MUSK: variants seen among roughly 807,000 people sequenced by gnomAD.
The protein encoded by MUSK is muscle associated receptor tyrosine kinase, also known as muscle, skeletal receptor tyrosine-protein kinase.
MUSK carries 55 observed loss-of-function variants against 88.7 expected under a neutral mutation model. That is an observed-to-expected ratio of 0.62 (90% CI 0.50 to 0.78). MUSK has a LOEUF of 0.78. Among genes scored for constraint, MUSK ranks in the 30% least tolerant of loss-of-function variants. The pLI, the probability that MUSK is intolerant of heterozygous loss-of-function variation, is 0.00. For synonymous variants in MUSK, 387 were observed against 391.9 expected, an observed-to-expected ratio of 0.99 and a Z score of 0.15; for missense variants, 1,015 against 1,074.3, an observed-to-expected ratio of 0.94 and a Z score of 0.77.
At chr9:110,785,901 C>T (rs1049589023) in intron 13 of MUSK, among the ~76,000 whole-genome samples, 183 bp downstream of exon 13, 36 of 147,428 alleles carry the variant, frequency 2.4e-4, no homozygotes, top group African/African-American at 7.2e-4. Flanking sequence ...TATATATATA[C>T]ACACACACAT....
chr9:110,768,147 T>A (rs903973656), intron 9 of MUSK, 64 bp downstream of exon 9: 11 of 1,477,914 alleles, frequency 7.4e-6, no homozygotes, highest in Non-Finnish European at 8.2e-6. Flanking sequence ...CAGAAGGAGT[T>A]TTTGAAAAAT....
intron 6 of MUSK, among the ~76,000 whole-genome samples, chr9:110,735,111 G>A (rs1329327294): frequency 2.0e-5 from 3 of 152,066 alleles, no homozygotes. Flanking sequence ...CTGTTCATGG[G>A]AATGGGAATT....
chr9:110,688,733 C>G (rs4327925), intron 3 of MUSK, among the ~76,000 whole-genome samples: 32,552 of 151,512 alleles, frequency 0.21, 4,205 homozygotes, highest in African/African-American at 0.34. Context: ...TCTGTTCCTG[C>G]ATTAGTTTAC....
At chr9:110,729,326 TAAAAAAAAAAAA>T (rs34882321) in intron 5 of MUSK, among the ~76,000 whole-genome samples, 5 of 97,420 alleles carry the variant, frequency 5.1e-5, no homozygotes, top group African/African-American at 1.4e-4. Context: ...CTGTTTTCTG[TAAAAAAAAAAAA>T]AAAAAAGAAA....
At chr9:110,679,558 G>T (rs2076080674) in intron 1 of MUSK, among the ~76,000 whole-genome samples, 1 of 151,816 alleles carries the variant, frequency 6.6e-6, no homozygotes, top group South Asian at 2.1e-4. Context: ...GGTATATTTG[G>T]ACTTGTTTCT....
Position 110,800,762 on chromosome 9 carries a change from T to G in MUSK, c.2384T>G (p.Ile795Ser), listed in dbSNP as rs1564301135. ...VWAYGVVLWEIFSYGLQPYYG... is the reference protein window; with the variant it reads ...VWAYGVVLWESFSYGLQPYYG... ...GCCTATGGCGTGGTCCTCTGGGAGATCTTCTCCTATGGCCTGCAGCCCTAC... is the reference window on the plus strand; with the variant it reads ...GCCTATGGCGTGGTCCTCTGGGAGAGCTTCTCCTATGGCCTGCAGCCCTAC... Residue 795 changes from isoleucine (I) to serine (S), a missense_variant, in exon 15 of 15, where the codon ATC (isoleucine) becomes AGC (serine). Ile to Ser is a moderately radical substitution (Grantham distance 142). Transcript: ENST00000374448. The G allele has an allele frequency of 4.3e-6, 7 of 1,613,954 alleles. No individual in the cohort carries two copies. Among genetic ancestry groups the G allele is most frequent in the Non-Finnish European group, 5.9e-6 (7 of 1,179,894 alleles).
At chr9:110,726,357 T>C (rs1446493189) in intron 5 of MUSK, among the ~76,000 whole-genome samples, 1 of 151,942 alleles carries the variant, frequency 6.6e-6, no homozygotes, top group Non-Finnish European at 1.5e-5. Flanking sequence ...AAATGAACAA[T>C]AGTAGCAACA....
chr9:110,735,270 C>A (rs565026191), intron 6 of MUSK, among the ~76,000 whole-genome samples: 1 of 151,944 alleles, frequency 6.6e-6, no homozygotes, highest in Non-Finnish European at 1.5e-5. Context: ...ATGTTTATTG[C>A]GGCACTATTC....
chr9:110,690,285 T>TATATATTTAAGTACAAATATAGAA (rs2076321610), intron 3 of MUSK, among the ~76,000 whole-genome samples: 1 of 98,810 alleles, frequency 1.0e-5, no homozygotes, highest in African/African-American at 4.2e-5. Context: ...AATATATAAA[T>TATATATTTAAGTACAAATATAGAA]ATATATAAAT....
intron 11 of MUSK, among the ~76,000 whole-genome samples, chr9:110,778,847 C>T (rs2131998830): frequency 6.6e-6 from 1 of 152,188 alleles, no homozygotes; most frequent in Non-Finnish European, 1.5e-5. Flanking sequence ...ATAAATTCCA[C>T]TACCTTTTCA....
chr9:110,797,671 A>C (rs2078031987), intron 14 of MUSK, among the ~76,000 whole-genome samples: 2 of 152,290 alleles, frequency 1.3e-5, no homozygotes, highest in South Asian at 4.1e-4. Flanking sequence ...CATCTTGAAA[A>C]CACTTCTTCC....
chr9:110,734,986 G>C (rs566534983), intron 6 of MUSK, among the ~76,000 whole-genome samples: 1 of 152,122 alleles, frequency 6.6e-6, no homozygotes, highest in African/African-American at 2.4e-5. Flanking sequence ...CTTCTCATGG[G>C]GAAATACGGG....
Position 110,805,399 on chromosome 9 carries a change from T to A in MUSK, c.*4411T>A, listed in dbSNP as rs2078148682. Among the ~76,000 whole-genome samples, 1 of 151,966 alleles carries A rather than the reference T, an allele frequency of 6.6e-6. No individual in the cohort carries two copies. Among genetic ancestry groups the A allele is most frequent in the Non-Finnish European group, 1.5e-5 (1 of 67,830 alleles). On this transcript the variant is annotated 3_prime_UTR_variant, in exon 15 of 15. Transcript: ENST00000374448. The stretch of plus-strand genomic sequence containing the variant: ...TAATAGCTAATAGCTTAAAGTTATT[T>A]CATAGCTTATATTTACACTTCTTTA...
chr9:110,684,900 C>T (rs961425093), intron 2 of MUSK, among the ~76,000 whole-genome samples: 1 of 152,078 alleles, frequency 6.6e-6, no homozygotes, highest in African/African-American at 2.4e-5. Context: ...AATATAAGAG[C>T]ATATCATTTG....
chr9:110,691,225 C>G (rs569301075), intron 3 of MUSK, among the ~76,000 whole-genome samples: 1 of 152,186 alleles, frequency 6.6e-6, no homozygotes, highest in East Asian at 1.9e-4. Context: ...TGGAAGTAGT[C>G]TGCATTTAAA....
chr9:110,695,679 T>C (rs1298092332), intron 4 of MUSK, 149 bp downstream of exon 4: 1 of 655,536 alleles, frequency 1.5e-6, no homozygotes, highest in South Asian at 2.6e-5. Flanking sequence ...TGTTTGCATA[T>C]ATGCAAACTG....
At chr9:110,783,325 A>G (rs1185291107) in intron 11 of MUSK, among the ~76,000 whole-genome samples, 2 of 152,086 alleles carry the variant, frequency 1.3e-5, no homozygotes, top group East Asian at 3.9e-4. Context: ...CTCTTACTGG[A>G]ACATATTATA....
chr9:110,804,191 G>T lies in MUSK; in HGVS notation c.*3203G>T, dbSNP rs563922081. ...CAATCTTGTATTTTTGAACATTTAG[G>T]TTTTTTCCAATTTTTATCATTATAA... is the stretch of plus-strand genomic sequence containing the variant. On this transcript the variant is annotated 3_prime_UTR_variant, in exon 15 of 15. Transcript: ENST00000374448. Among the ~76,000 whole-genome samples, 4 of 151,936 alleles carry T rather than the reference G, an allele frequency of 2.6e-5. No individual in the cohort carries two copies. In the South Asian group the frequency reaches 6.2e-4, roughly 24 times the overall value.
chr9:110,723,002 C>T (rs1359821768), intron 5 of MUSK, among the ~76,000 whole-genome samples: 2 of 152,060 alleles, frequency 1.3e-5, no homozygotes, highest in Non-Finnish European at 2.9e-5. Context: ...AGTAGATCTA[C>T]CATTTGATCC....
Sources: allele counts gnomAD v4.1 joint callset (sites outside exome capture counted in the v4.1 genomes callset), GRCh38; gene constraint gnomAD v4.1.1; transcripts MANE v1.5; gene names NCBI Gene and HGNC (gene_info 2026-07-23, HGNC 2026-07-21).